The following PKD2L1 variants were observed in gnomAD, a reference collection of about 807,000 sequenced individuals.
PKD2L1 encodes polycystin-2-like protein 1.
PKD2L1 carries 77 observed loss-of-function variants against 93.0 expected under a neutral mutation model. The ratio of observed to expected loss-of-function variants is 0.83; its 90% CI spans 0.69 to 1.00. PKD2L1 has a LOEUF of 1.00. Ranked by LOEUF, PKD2L1 falls within the 50% of genes least tolerant of loss-of-function variation. PKD2L1 has a pLI of 0.00. For missense variants in PKD2L1, 977 were observed against 990.9 expected (o/e 0.99, Z 0.19); for synonymous variants, 390 against 388.0 (o/e 1.01, Z -0.06).
intron 2 of PKD2L1, among the ~76,000 whole-genome samples, chr10:100,306,592 T>G (rs541965993): frequency 2.0e-5 from 3 of 151,832 alleles, no homozygotes; most frequent in African/African-American, 7.2e-5. Flanking sequence ...TCGGGCGCAA[T>G]GGCTCACACC....
chr10:100,299,465 G>T lies in PKD2L1; in HGVS notation c.477+126C>A, dbSNP rs538723103. 74 of 813,892 alleles carry T rather than the reference G, an allele frequency of 9.1e-5. No individual in the cohort carries two copies. In the East Asian group the frequency reaches 1.8e-3, roughly 20 times the overall value. The allele number at this position is 813,892 out of a possible 1,614,324, so 50.4% of individuals were successfully genotyped here. A position where few individuals can be genotyped will look rare whatever the true frequency, so the allele number is the denominator to read the frequency against. On this transcript the variant is annotated intron_variant, in intron 3 of 15. Coordinates refer to ENST00000318222, the MANE Select transcript of PKD2L1 (RefSeq NM_016112.3). ...TAGACTAACCCATTAATTCAGCCTG[G>T]CCCTTTGACTCAGTCTGATCCCTGA...
chr10:100,300,487 T>C (rs1027751429), intron 2 of PKD2L1, among the ~76,000 whole-genome samples: 2 of 152,182 alleles, frequency 1.3e-5, no homozygotes, highest in South Asian at 4.1e-4. Flanking sequence ...AGTAGGGCTG[T>C]AGGGAGCACT....
At chr10:100,309,078 G>A (rs1848873012) in intron 2 of PKD2L1, among the ~76,000 whole-genome samples, 1 of 151,916 alleles carries the variant, frequency 6.6e-6, no homozygotes, top group Non-Finnish European at 1.5e-5. Flanking sequence ...TGATACCTGG[G>A]TTATTTATAA....
At chr10:100,296,002 A>G (rs1200692791) in intron 7 of PKD2L1, 120 bp downstream of exon 7, 1 of 844,976 alleles carries the variant, frequency 1.2e-6, no homozygotes. Context: ...CCCCCACTTC[A>G]CTCCAGCCTG....
Position 100,329,980 on chromosome 10 carries a change from T to A in PKD2L1, c.124A>T (p.Ser42Cys). 6 of 1,614,086 alleles carry A rather than the reference T, an allele frequency of 3.7e-6. No homozygotes were observed. The highest frequency in any genetic ancestry group is 5.1e-6 in the Non-Finnish European group (6 of 1,179,960). Residue 42 changes from serine (S) to cysteine (C), a missense_variant, in exon 1 of 16, where the codon AGC becomes TGC. Coordinates refer to ENST00000318222, the MANE Select transcript of PKD2L1 (RefSeq NM_016112.3). ...HGTLRVCTIS[S>C]TGPLQPQPKK... ...GGTTGGGGCTGGAGAGGCCCCGTGC[T>A]GGAGATGGTGCAGACTCTCAGCGTC... is the stretch of plus-strand genomic sequence containing the variant.
At chr10:100,305,978 T>C (rs902727644) in intron 2 of PKD2L1, among the ~76,000 whole-genome samples, 1 of 151,760 alleles carries the variant, frequency 6.6e-6, no homozygotes, top group East Asian at 1.9e-4. Flanking sequence ...AGTCCAGGAG[T>C]TCGATATCAG....
chr10:100,325,412 G>T (rs549488119), intron 2 of PKD2L1, among the ~76,000 whole-genome samples: 2 of 152,134 alleles, frequency 1.3e-5, no homozygotes, highest in Admixed American at 6.5e-5. Flanking sequence ...GCTCCATGTC[G>T]CCTGAAAATA....
At chr10:100,323,427 C>A (rs535583116) in intron 2 of PKD2L1, among the ~76,000 whole-genome samples, 1 of 152,082 alleles carries the variant, frequency 6.6e-6, no homozygotes, top group South Asian at 2.1e-4. Flanking sequence ...TGCCACCACA[C>A]GCGACTAATT....
chr10:100,314,978 G>C (rs1289680712), intron 2 of PKD2L1, among the ~76,000 whole-genome samples: 1 of 5,924 alleles, frequency 1.7e-4, no homozygotes, highest in Non-Finnish European at 4.9e-4. Context: ...AAGGAAGGAA[G>C]GAAGGAAGGA....
intron 2 of PKD2L1, among the ~76,000 whole-genome samples, chr10:100,309,083 T>C (rs1353644038): frequency 6.6e-6 from 1 of 152,092 alleles, no homozygotes; most frequent in African/African-American, 2.4e-5. Context: ...CCTGGGTTAT[T>C]TATAACATCA....
chr10:100,289,585 A>G, intron 14 of PKD2L1, among the ~76,000 whole-genome samples: 1 of 151,972 alleles, frequency 6.6e-6, no homozygotes, highest in East Asian at 1.9e-4. Flanking sequence ...AATAAAGGAG[A>G]CTTCCCTTAC....
chr10:100,301,858 T>C (rs1274172514), intron 2 of PKD2L1, among the ~76,000 whole-genome samples: 2 of 152,224 alleles, frequency 1.3e-5, no homozygotes, highest in Non-Finnish European at 2.9e-5. Flanking sequence ...TCACAATTTA[T>C]GTTCTTCTGT....
chr10:100,292,148 T>A (rs1432935667), intron 11 of PKD2L1, among the ~76,000 whole-genome samples: 1 of 152,102 alleles, frequency 6.6e-6, no homozygotes, highest in African/African-American at 2.4e-5. Flanking sequence ...GTCACTTCTG[T>A]TGAACTTATT....
intron 2 of PKD2L1, 92 bp downstream of exon 2, chr10:100,329,119 C>A: frequency 8.1e-7 from 1 of 1,239,146 alleles, no homozygotes; most frequent in South Asian, 1.3e-5. Flanking sequence ...GATGCTCGCT[C>A]CACAGATGTT....
At chr10:100,290,828 G>C (rs935221079) in intron 12 of PKD2L1, among the ~76,000 whole-genome samples, 1 of 152,178 alleles carries the variant, frequency 6.6e-6, no homozygotes, top group African/African-American at 2.4e-5. Flanking sequence ...CTAGGCTGCT[G>C]TCACCCTGCC....
At chr10:100,294,770 C>T (rs1163371023) in intron 8 of PKD2L1, 115 bp from the exon 9 acceptor site, 2 of 1,458,032 alleles carry the variant, frequency 1.4e-6, no homozygotes, top group East Asian at 2.3e-5. Context: ...AGACACAGGG[C>T]AGGGTGCTTA....
At chr10:100,299,570 T>G in intron 3 of PKD2L1, 21 bp downstream of exon 3, 1 of 1,611,014 alleles carries the variant, frequency 6.2e-7, no homozygotes, top group South Asian at 1.1e-5. Context: ...AGGGGAGGGG[T>G]AGAAAAGATC....
chr10:100,291,880 C>T (rs1360577534), intron 11 of PKD2L1, among the ~76,000 whole-genome samples: 1 of 152,118 alleles, frequency 6.6e-6, no homozygotes, highest in African/African-American at 2.4e-5. Flanking sequence ...TCTCTGGTCT[C>T]ATCTCCTGCT....
Position 100,296,204 on chromosome 10 carries a change from T to C in PKD2L1, c.1274A>G (p.Tyr425Cys), listed in dbSNP as rs776911736. 2.5e-6 allele frequency: 4 copies of C among 1,612,556 alleles called. No homozygotes were observed. The highest frequency in any genetic ancestry group is 2.5e-6 in the Non-Finnish European group (3 of 1,179,358). The change falls in exon 7 of 16, where the codon TAT (tyrosine) becomes TGT (cysteine). Residue 425 changes from tyrosine (Y) to cysteine (C), a missense_variant. Physicochemically the swap from Tyr to Cys is radical, Grantham distance 194. Transcript: ENST00000318222. ...MGKLLQQPNT[Y>C]ADFEFLAFWQ... ...GAAGGCGAGGAACTCAAAGTCTGCA[T>C]ACGTGTTTGGCTGCTGCAGGAGCTT...
Sources: gnomAD v4.1 joint callset for allele counts (sites outside exome capture counted in the v4.1 genomes callset) on GRCh38, gnomAD v4.1.1 for gene constraint, MANE v1.5 for transcripts, NCBI Gene and HGNC (gene_info 2026-07-23, HGNC 2026-07-21) for gene names.